Variants in ANO6 observed in about 807,000 individuals in gnomAD.
ANO6 encodes anoctamin 6.
ANO6 carries 106 observed loss-of-function variants against 117.5 expected under a neutral mutation model. That is an observed-to-expected ratio of 0.90 (90% CI 0.77 to 1.06). The LOEUF is 1.06. ANO6 is among the 50% of genes least tolerant of loss of function. The pLI, the probability that ANO6 is intolerant of heterozygous loss-of-function variation, is 0.00. For missense variants in ANO6, 955 were observed against 1,121.1 expected (o/e 0.85, Z 2.12); for synonymous variants, 367 against 385.1 (o/e 0.95, Z 0.55).
chr12:45,258,992 T>C (rs936109039), intron 1 of ANO6, among the ~76,000 whole-genome samples: 2 of 152,274 alleles, frequency 1.3e-5, no homozygotes, highest in Admixed American at 6.5e-5. Flanking sequence ...GGGGAGTAAT[T>C]TGCCCTTCTT....
At chr12:45,374,733 C>T (rs1593032159) in intron 9 of ANO6, among the ~76,000 whole-genome samples, 1 of 149,082 alleles carries the variant, frequency 6.7e-6, no homozygotes, top group African/African-American at 2.5e-5. Context: ...TATGACAAAC[C>T]CACAGCCAAT....
intron 11 of ANO6, among the ~76,000 whole-genome samples, chr12:45,389,785 A>C (rs1942392987): frequency 6.6e-6 from 1 of 152,192 alleles, no homozygotes; most frequent in African/African-American, 2.4e-5. Flanking sequence ...TTGTTTCCTC[A>C]TGATCGCAGC....
At chr12:45,348,712 C>A in intron 6 of ANO6, 81 bp downstream of exon 6, 1 of 1,020,508 alleles carries the variant, frequency 9.8e-7, no homozygotes, top group Non-Finnish European at 1.6e-6. Flanking sequence ...ACTTTCCTGA[C>A]TGTAAGTTTC....
chr12:45,220,780 C>T (rs1382306885), intron 1 of ANO6, among the ~76,000 whole-genome samples: 2 of 152,160 alleles, frequency 1.3e-5, no homozygotes, highest in Non-Finnish European at 2.9e-5. Context: ...GGGCTGGTCA[C>T]TGGAAAGACC....
chr12:45,407,009 C>G lies in ANO6; in HGVS notation c.1881-2348C>G, dbSNP rs547994836. Among the ~76,000 whole-genome samples, 35 of 152,286 alleles carry G rather than the reference C, an allele frequency of 2.3e-4. No homozygotes were observed. The South Asian group carries it at 7.3e-3, about 32-fold the overall frequency. On this transcript the variant is annotated intron_variant, in intron 15 of 19. Coordinates refer to ENST00000320560, the MANE Select transcript of ANO6 (RefSeq NM_001025356.3). The stretch of plus-strand genomic sequence containing the variant: ...TTATTTTGTAACCCCTGCTTCTAGC[C>G]TTGGCCAGGGAAAACGTATCTGGTG...
chr12:45,385,833 T>C (rs960671053), intron 10 of ANO6, among the ~76,000 whole-genome samples: 2 of 152,204 alleles, frequency 1.3e-5, no homozygotes, highest in Non-Finnish European at 2.9e-5. Flanking sequence ...TCTAACTTAC[T>C]GGAAAAGTAG....
intron 1 of ANO6, among the ~76,000 whole-genome samples, chr12:45,238,243 C>T (rs1433492437): frequency 4.6e-5 from 7 of 151,196 alleles, no homozygotes; most frequent in Admixed American, 1.3e-4. Context: ...CTCTGCCTCC[C>T]GGGTTCAAGT....
At chr12:45,420,022 T>C (rs1943316953) in intron 17 of ANO6, among the ~76,000 whole-genome samples, 1 of 151,398 alleles carries the variant, frequency 6.6e-6, no homozygotes, top group African/African-American at 2.4e-5. Flanking sequence ...GACATTATTG[T>C]TTGACTATGA....
rs533469061 is a variant in ANO6, at chr12:45,438,436, C to CT, written c.2527-1234dup. On this transcript the variant is annotated intron_variant, in intron 19 of 19. Coordinates refer to the ANO6 transcript ENST00000425752. ...ATCCAAAATGCTCCAAAATCAGAAA[C>CT]TTTTTGAGTGCCAATGTGATGCCAT... 3.3e-5 allele frequency among the ~76,000 whole-genome samples: 5 copies of CT among 152,188 alleles called. No individual in the cohort carries two copies. In the South Asian group the frequency reaches 6.2e-4, roughly 19 times the overall value.
At chr12:45,218,375 T>C (rs892795623) in intron 1 of ANO6, among the ~76,000 whole-genome samples, 10 of 151,104 alleles carry the variant, frequency 6.6e-5, no homozygotes, top group Non-Finnish European at 1.2e-4. Context: ...ATGTGATTTC[T>C]GTTTCTTTCT....
intron 2 of ANO6, among the ~76,000 whole-genome samples, chr12:45,317,113 G>GTGTGTATATATATATATATATATA: frequency 1.5e-5 from 1 of 66,490 alleles, no homozygotes; most frequent in Non-Finnish European, 3.7e-5. Context: ...CTTTTTATAT[G>GTGTGTATATATATATATATATATA]TATATATATA....
At chr12:45,320,030 A>G (rs1311202576) in intron 2 of ANO6, among the ~76,000 whole-genome samples, 9 of 152,092 alleles carry the variant, frequency 5.9e-5, no homozygotes, top group African/African-American at 2.2e-4. Context: ...TAGTCTTGCT[A>G]GCGGTCTATC....
At chr12:45,391,149 A>C (rs898933630) in intron 12 of ANO6, among the ~76,000 whole-genome samples, 1 of 152,118 alleles carries the variant, frequency 6.6e-6, no homozygotes, top group Non-Finnish European at 1.5e-5. Flanking sequence ...GTCTAGGAAT[A>C]CCCTTAACAA....
At chr12:45,247,800 C>T (rs566246852) in intron 1 of ANO6, among the ~76,000 whole-genome samples, 1 of 152,324 alleles carries the variant, frequency 6.6e-6, no homozygotes, top group East Asian at 1.9e-4. Flanking sequence ...GCCCCACCCT[C>T]TTGACCTCAT....
chr12:45,403,629 A>C, intron 15 of ANO6, 93 bp downstream of exon 15: 2 of 1,014,998 alleles, frequency 2.0e-6, no homozygotes, highest in Non-Finnish European at 3.1e-6. Flanking sequence ...ACATAGCCAC[A>C]TAGCTGCATG....
chr12:45,247,096 T>C (rs1200716139), intron 1 of ANO6, among the ~76,000 whole-genome samples: 1 of 152,154 alleles, frequency 6.6e-6, no homozygotes, highest in African/African-American at 2.4e-5. Flanking sequence ...TGGCTAATTT[T>C]TGTGTTTTTA....
intron 1 of ANO6, among the ~76,000 whole-genome samples, chr12:45,288,959 G>A (rs1409533993): frequency 6.6e-6 from 1 of 151,498 alleles, no homozygotes; most frequent in Non-Finnish European, 1.5e-5. Flanking sequence ...CACCGTGTTA[G>A]CCAGTAATAT....
At position 45,396,879 on chromosome 12, in the gene ANO6, A is replaced by T. The variant is rs372700730; in HGVS notation, c.1387-4916A>T. On this transcript the variant is annotated intron_variant, in intron 12 of 19. Coordinates refer to ENST00000320560, the MANE Select transcript of ANO6 (RefSeq NM_001025356.3). Reference sequence around the variant, plus strand: ...AAATGTTAGACCTAAAGCCATAAAAACCCTAGAAGAAAACCTAGGCAATAC... The same window carrying T: ...AAATGTTAGACCTAAAGCCATAAAATCCCTAGAAGAAAACCTAGGCAATAC... 5.2e-4 allele frequency among the ~76,000 whole-genome samples: 79 copies of T among 152,332 alleles called. 2 individuals carry two copies. In the East Asian group the frequency reaches 0.014, roughly 26 times the overall value.
intron 1 of ANO6, among the ~76,000 whole-genome samples, chr12:45,301,280 C>T (rs1939477032): frequency 6.6e-6 from 1 of 151,394 alleles, no homozygotes; most frequent in Non-Finnish European, 1.5e-5. Flanking sequence ...TTCTATCTGG[C>T]TCCCATTATA....
Sources: gnomAD v4.1 joint callset for allele counts (sites outside exome capture counted in the v4.1 genomes callset) on GRCh38, gnomAD v4.1.1 for gene constraint, MANE v1.5 for transcripts, NCBI Gene and HGNC (gene_info 2026-07-23, HGNC 2026-07-21) for gene names.